The following GABBR2 variants were observed in gnomAD, a reference collection of about 807,000 sequenced individuals.
GABBR2 encodes the protein G-protein coupled receptor 51.
A neutral mutation model predicts 105.6 loss-of-function variants in GABBR2; 23 were observed. The observed-to-expected ratio is 0.22, with a 90% confidence interval of 0.16 to 0.31. The LOEUF is 0.31. Ranked by LOEUF, GABBR2 falls within the 10% of genes least tolerant of loss-of-function variation. The probability of loss-of-function intolerance (pLI) is 1.00; values close to 1 mark genes in which losing one functional copy is unlikely to be tolerated. For synonymous variants in GABBR2, 478 were observed against 499.7 expected (o/e 0.96, Z 0.58); for missense variants, 734 against 1,245.5 (o/e 0.59, Z 6.18).
chr9:98,309,405 A>AGTCT (rs1830602430), intron 14 of GABBR2, among the ~76,000 whole-genome samples: 2 of 152,368 alleles, frequency 1.3e-5, no homozygotes, highest in African/African-American at 4.8e-5. Context: ...TCACGGAGAC[A>AGTCT]GTCTAGATTC....
intron 1 of GABBR2, among the ~76,000 whole-genome samples, chr9:98,610,920 A>G (rs146541028): frequency 1.9e-3 from 283 of 152,266 alleles, no homozygotes; most frequent in Middle Eastern, 0.017. Context: ...TGAGCCCGGG[A>G]GGCAAAGGTT....
chr9:98,454,226 A>C lies in GABBR2; in HGVS notation c.1000-9T>G. ...TCATACTGCTGTGGAGTCTGGAAAA[A>C]CAGGGGATTGGGGGAATCCCAAGTT... On this transcript the variant is annotated splice_polypyrimidine_tract_variant and intron_variant, in intron 6 of 18. Coordinates refer to ENST00000259455, the MANE Select transcript of GABBR2 (RefSeq NM_005458.8). This position sits in a 1 kb window ranked among gnomAD's most constrained non-coding sequence, Gnocchi z 4.6. 6.3e-7 allele frequency: 1 copy of C among 1,589,436 alleles called. No individual in the cohort carries two copies. Among genetic ancestry groups the C allele is most frequent in the Non-Finnish European group, 8.6e-7 (1 of 1,157,606 alleles).
At chr9:98,464,587 C>T (rs1826506193) in intron 6 of GABBR2, among the ~76,000 whole-genome samples, 1 of 152,066 alleles carries the variant, frequency 6.6e-6, no homozygotes, top group African/African-American at 2.4e-5. Context: ...TGCCAAGCCG[C>T]CCCGTCTGGG....
At chr9:98,436,302 TACCCATAAATATACC>T (rs1487004829) in intron 7 of GABBR2, among the ~76,000 whole-genome samples, 40 of 93,810 alleles carry the variant, frequency 4.3e-4, no homozygotes, top group East Asian at 2.2e-3. Flanking sequence ...TATATATATA[TACCCATAAATATACC>T]ATATATATAT....
intron 1 of GABBR2, among the ~76,000 whole-genome samples, chr9:98,640,012 C>T (rs1829937392): frequency 1.3e-5 from 2 of 151,948 alleles, no homozygotes; most frequent in South Asian, 2.1e-4. Context: ...TGGCAATTGC[C>T]TTATTTGCAT....
intron 2 of GABBR2, among the ~76,000 whole-genome samples, chr9:98,572,965 C>T (rs895073214): frequency 6.6e-6 from 1 of 152,186 alleles, no homozygotes; most frequent in Non-Finnish European, 1.5e-5. Context: ...CATCTTCCCC[C>T]ACAAGGAGCC....
chr9:98,319,177 C>T (rs1830776649), intron 13 of GABBR2, among the ~76,000 whole-genome samples: 1 of 152,266 alleles, frequency 6.6e-6, no homozygotes, highest in Admixed American at 6.5e-5. Context: ...CATCTACAAC[C>T]TCCCAGGGCT....
intron 3 of GABBR2, among the ~76,000 whole-genome samples, chr9:98,537,119 C>T (rs929187019): frequency 4.6e-5 from 7 of 152,198 alleles, no homozygotes; most frequent in African/African-American, 1.7e-4. Flanking sequence ...ACACCAGGGT[C>T]GTCCAGTGTG....
At chr9:98,462,782 C>T (rs1410488737) in intron 6 of GABBR2, among the ~76,000 whole-genome samples, 1 of 152,214 alleles carries the variant, frequency 6.6e-6, no homozygotes, top group Non-Finnish European at 1.5e-5. Context: ...GCTACTCTGA[C>T]TCAGAATTCC....
intron 3 of GABBR2, among the ~76,000 whole-genome samples, chr9:98,507,692 C>G (rs970350234): frequency 6.6e-6 from 1 of 152,222 alleles, no homozygotes; most frequent in Non-Finnish European, 1.5e-5. Context: ...GAAGCCTTCC[C>G]TTGTTCCCAG....
At chr9:98,301,572 T>C (rs148478301) in intron 16 of GABBR2, among the ~76,000 whole-genome samples, 20 of 152,244 alleles carry the variant, frequency 1.3e-4, no homozygotes, top group South Asian at 8.3e-4. Flanking sequence ...GGGAAAGAGA[T>C]ACTCTTTTCT....
At chr9:98,333,062 T>G (rs1831055092) in intron 13 of GABBR2, among the ~76,000 whole-genome samples, 1 of 151,376 alleles carries the variant, frequency 6.6e-6, no homozygotes, top group African/African-American at 2.4e-5. Context: ...TGGCAACGAG[T>G]CAGACACAAG....
At chr9:98,602,938 C>T (rs1379606735) in intron 1 of GABBR2, among the ~76,000 whole-genome samples, 4 of 152,174 alleles carry the variant, frequency 2.6e-5, no homozygotes, top group Non-Finnish European at 4.4e-5. Context: ...AGTCACTTTG[C>T]TTCTCTGGGC....
chr9:98,550,854 C>T (rs1828475156), intron 2 of GABBR2, among the ~76,000 whole-genome samples: 1 of 152,130 alleles, frequency 6.6e-6, no homozygotes, highest in Non-Finnish European at 1.5e-5. Flanking sequence ...TTCATAGATA[C>T]TGGATTTGTG....
chr9:98,450,059 C>A (rs1036411684), intron 7 of GABBR2, among the ~76,000 whole-genome samples: 2 of 152,128 alleles, frequency 1.3e-5, no homozygotes, highest in African/African-American at 4.8e-5. Context: ...CAGCTCCCGG[C>A]AGAGAGTGTG....
At chr9:98,648,124 G>GTGTGTGTGTGTGTGTGTGTGT (rs1564140825) in intron 1 of GABBR2, among the ~76,000 whole-genome samples, 3 of 58,902 alleles carry the variant, frequency 5.1e-5, no homozygotes, top group Non-Finnish European at 1.1e-4. Context: ...TGTATAGATA[G>GTGTGTGTGTGTGTGTGTGTGT]ATAGATAGAT....
chr9:98,347,118 T>C (rs190701540), intron 13 of GABBR2, among the ~76,000 whole-genome samples: 1 of 152,352 alleles, frequency 6.6e-6, no homozygotes, highest in African/African-American at 2.4e-5. Flanking sequence ...CTGAATCATA[T>C]GGTAGTTCTA....
intron 2 of GABBR2, among the ~76,000 whole-genome samples, chr9:98,550,598 C>A (rs1223769154): frequency 6.6e-6 from 1 of 152,136 alleles, no homozygotes; most frequent in African/African-American, 2.4e-5. Context: ...CAAAGACGGG[C>A]AGCAGCTGAG....
intron 1 of GABBR2, among the ~76,000 whole-genome samples, chr9:98,629,858 A>G (rs1829793617): frequency 6.6e-6 from 1 of 152,168 alleles, no homozygotes. Context: ...TGCCTTTCTG[A>G]GCCCCTTCCC....
Sources: gnomAD v4.1 joint callset for allele counts (sites outside exome capture counted in the v4.1 genomes callset) on GRCh38, gnomAD v4.1.1 for gene constraint, Gnocchi (gnomAD v3.1) non-coding constraint, MANE v1.5 for transcripts, NCBI Gene and HGNC (gene_info 2026-07-23, HGNC 2026-07-21) for gene names.